CCSER1: variants seen among roughly 807,000 people sequenced by gnomAD.
CCSER1 encodes the protein serine-rich coiled-coil domain-containing protein 1.
A neutral mutation model predicts 82.0 loss-of-function variants in CCSER1; 41 were observed. The observed-to-expected ratio is 0.50, with a 90% CI of 0.39 to 0.65. The LOEUF is 0.65. CCSER1 is among the 30% of genes least tolerant of loss of function. The pLI is 0.00. For missense variants in CCSER1, 1,119 were observed against 1,064.2 expected, an observed-to-expected ratio of 1.05 and a Z score of -0.72; for synonymous variants, 414 against 383.9, an observed-to-expected ratio of 1.08 and a Z score of -0.92.
chr4:90,575,905 G>C (rs1426956889), intron 5 of CCSER1, among the ~76,000 whole-genome samples: 1 of 151,908 alleles, frequency 6.6e-6, no homozygotes, highest in Non-Finnish European at 1.5e-5. Flanking sequence ...TTCTCTGGAG[G>C]CTCTGCTGTG....
chr4:91,069,589 GAGA>G (rs1410918555), intron 9 of CCSER1, among the ~76,000 whole-genome samples: 4 of 152,194 alleles, frequency 2.6e-5, no homozygotes, highest in African/African-American at 4.8e-5. Flanking sequence ...ACGTTCTGGT[GAGA>G]AGAATAGTCA....
chr4:90,606,498 A>G (rs1784724386), intron 5 of CCSER1, among the ~76,000 whole-genome samples: 1 of 152,348 alleles, frequency 6.6e-6, no homozygotes, highest in African/African-American at 2.4e-5. Flanking sequence ...TATGCGGTCC[A>G]TTATTGACCA....
At chr4:90,294,340 G>T (rs1007623053) in intron 1 of CCSER1, among the ~76,000 whole-genome samples, 1 of 151,722 alleles carries the variant, frequency 6.6e-6, no homozygotes, top group Non-Finnish European at 1.5e-5. Context: ...GCGAGACCCC[G>T]TTCTCCATAA....
chr4:91,563,867 A>G (rs937201401), intron 10 of CCSER1, among the ~76,000 whole-genome samples: 1 of 151,850 alleles, frequency 6.6e-6, no homozygotes, highest in Non-Finnish European at 1.5e-5. Flanking sequence ...CAAAATAAGC[A>G]TACAAAGTTA....
intron 8 of CCSER1, among the ~76,000 whole-genome samples, chr4:90,842,715 T>C (rs1762728101): frequency 6.6e-6 from 1 of 152,124 alleles, no homozygotes; most frequent in African/African-American, 2.4e-5. Context: ...ATAAGAAGGA[T>C]GCAGTTCACT....
intron 10 of CCSER1, among the ~76,000 whole-genome samples, chr4:91,431,274 A>G (rs1754293383): frequency 6.6e-6 from 1 of 152,188 alleles, no homozygotes; most frequent in Non-Finnish European, 1.5e-5. Context: ...ACAAACATAA[A>G]AAATTGGCTA....
intron 10 of CCSER1, among the ~76,000 whole-genome samples, chr4:91,131,293 G>A (rs1024793057): frequency 2.0e-5 from 3 of 148,508 alleles, no homozygotes; most frequent in Admixed American, 1.3e-4. Context: ...TAGTTTTCAG[G>A]TAATTTTGTC....
intron 10 of CCSER1, among the ~76,000 whole-genome samples, chr4:91,139,248 G>A (rs953590859): frequency 3.3e-5 from 5 of 151,762 alleles, no homozygotes; most frequent in Non-Finnish European, 7.4e-5. Context: ...AGTATTCCAA[G>A]GTGTATATGT....
chr4:90,276,254 C>CT (rs1560929885), intron 1 of CCSER1, among the ~76,000 whole-genome samples: 1 of 75,610 alleles, frequency 1.3e-5, no homozygotes, highest in Non-Finnish European at 2.6e-5. Flanking sequence ...TTCTTTCTTT[C>CT]CTTCCTTCCT....
intron 10 of CCSER1, among the ~76,000 whole-genome samples, chr4:91,425,926 A>G (rs192195573): frequency 1.8e-3 from 275 of 152,300 alleles, no homozygotes; most frequent in Non-Finnish European, 3.3e-3. Context: ...ACTGGTATAC[A>G]TGTGCAGAAT....
At chr4:90,214,418 A>G (rs1740636985) in intron 1 of CCSER1, among the ~76,000 whole-genome samples, 1 of 152,204 alleles carries the variant, frequency 6.6e-6, no homozygotes, top group Non-Finnish European at 1.5e-5. Context: ...CACTAATAGG[A>G]TTGCTGGAGA....
intron 5 of CCSER1, among the ~76,000 whole-genome samples, chr4:90,590,528 C>G (rs192948068): frequency 1.3e-5 from 2 of 151,386 alleles, no homozygotes; most frequent in Non-Finnish European, 2.9e-5. Flanking sequence ...TGCAAAGAGC[C>G]GAGATCGCGC....
chr4:90,386,354 A>G (rs1173935673), intron 3 of CCSER1, among the ~76,000 whole-genome samples: 1 of 152,150 alleles, frequency 6.6e-6, no homozygotes, highest in Non-Finnish European at 1.5e-5. Flanking sequence ...GCCAATATCT[A>G]TAAGCAATTG....
At chr4:91,250,790 T>C (rs1245751134) in intron 10 of CCSER1, among the ~76,000 whole-genome samples, 1 of 152,042 alleles carries the variant, frequency 6.6e-6, no homozygotes, top group Non-Finnish European at 1.5e-5. Context: ...AAATTATTAA[T>C]ATTGCTTTTC....
At chr4:91,577,281 G>A (rs542465450) in intron 10 of CCSER1, among the ~76,000 whole-genome samples, 1 of 151,746 alleles carries the variant, frequency 6.6e-6, no homozygotes, top group Non-Finnish European at 1.5e-5. Flanking sequence ...TTAGACCTTG[G>A]GGGGCACAGA....
At chr4:90,397,501 G>C (rs552824411) in intron 3 of CCSER1, among the ~76,000 whole-genome samples, 2 of 152,318 alleles carry the variant, frequency 1.3e-5, no homozygotes, top group East Asian at 3.9e-4. Context: ...CTCAGGAACT[G>C]CTGGAAACAG....
intron 10 of CCSER1, among the ~76,000 whole-genome samples, chr4:91,209,426 T>G (rs911628990): frequency 6.6e-6 from 1 of 152,104 alleles, no homozygotes; most frequent in Middle Eastern, 3.4e-3. Context: ...CATGAAGGTA[T>G]GTTGAATTTT....
chr4:90,912,050 G>A (rs1264350446), intron 8 of CCSER1, among the ~76,000 whole-genome samples: 1 of 152,204 alleles, frequency 6.6e-6, no homozygotes, highest in Non-Finnish European at 1.5e-5. Flanking sequence ...TCCACCTCTG[G>A]TGGCAGGGCA....
intron 7 of CCSER1, among the ~76,000 whole-genome samples, chr4:90,791,926 A>G (rs1331935089): frequency 6.6e-6 from 1 of 152,146 alleles, no homozygotes; most frequent in Non-Finnish European, 1.5e-5. Context: ...GCACTGGGAA[A>G]CCCAAAAATT....
Sources: gnomAD v4.1 joint callset for allele counts (sites outside exome capture counted in the v4.1 genomes callset) on GRCh38, gnomAD v4.1.1 for gene constraint, MANE v1.5 for transcripts, NCBI Gene and HGNC (gene_info 2026-07-23, HGNC 2026-07-21) for gene names.